FOXP1: variants seen among roughly 807,000 people sequenced by gnomAD.
The protein encoded by FOXP1 is forkhead box protein P1.
In FOXP1, 15 loss-of-function variants were observed where a neutral mutation model predicts 98.2. The ratio of observed to expected loss-of-function variants is 0.15; its 90% CI spans 0.10 to 0.24. The LOEUF (loss-of-function observed/expected upper bound fraction) is 0.24. Among genes scored for constraint, FOXP1 ranks in the 10% least tolerant of loss-of-function variants. The probability of loss-of-function intolerance (pLI) is 1.00; values close to 1 mark genes in which losing one functional copy is unlikely to be tolerated. For synonymous variants in FOXP1, 371 were observed against 314.5 expected (o/e 1.18, Z -1.90); for missense variants, 633 against 848.5 (o/e 0.75, Z 3.15).
At chr3:71,504,787 C>T (rs770045617) in intron 2 of FOXP1, among the ~76,000 whole-genome samples, 2 of 152,148 alleles carry the variant, frequency 1.3e-5, no homozygotes, top group Non-Finnish European at 2.9e-5. Flanking sequence ...GAAAGGAACA[C>T]GCTGGTCCTT....
At chr3:71,153,268 C>T (rs2108079522) in intron 6 of FOXP1, among the ~76,000 whole-genome samples, 1 of 152,254 alleles carries the variant, frequency 6.6e-6, no homozygotes, top group South Asian at 2.1e-4. Context: ...AGCAGGAATA[C>T]CCCAGTGAGA....
At chr3:71,267,190 T>C (rs2069776070) in intron 5 of FOXP1, among the ~76,000 whole-genome samples, 1 of 151,678 alleles carries the variant, frequency 6.6e-6, no homozygotes, top group Non-Finnish European at 1.5e-5. Context: ...ACATTGAGAA[T>C]ATACCATAAA....
At chr3:71,074,137 A>G (rs952993760) in intron 7 of FOXP1, among the ~76,000 whole-genome samples, 1 of 152,252 alleles carries the variant, frequency 6.6e-6, no homozygotes, top group Admixed American at 6.5e-5. Flanking sequence ...CATTTCCTAT[A>G]GAAGTGCTTA....
chr3:71,455,045 A>C (rs1436660888), intron 3 of FOXP1, among the ~76,000 whole-genome samples: 2 of 152,160 alleles, frequency 1.3e-5, no homozygotes, highest in African/African-American at 4.8e-5. Flanking sequence ...ATATGCCCTA[A>C]AGTGAATGAG....
intron 9 of FOXP1, among the ~76,000 whole-genome samples, chr3:71,051,984 T>A (rs989940288): frequency 1.7e-4 from 26 of 152,204 alleles, no homozygotes; most frequent in African/African-American, 6.3e-4. Flanking sequence ...TTCTCTAACT[T>A]CAACTCATGC....
intron 4 of FOXP1, among the ~76,000 whole-genome samples, chr3:71,306,475 C>T (rs986681371): frequency 5.9e-5 from 9 of 151,972 alleles, no homozygotes; most frequent in African/African-American, 1.7e-4. Context: ...TGCTTTGTCA[C>T]ATTGTAAGTT....
At chr3:71,264,776 C>T (rs983234256) in intron 5 of FOXP1, among the ~76,000 whole-genome samples, 1 of 152,160 alleles carries the variant, frequency 6.6e-6, no homozygotes, top group Non-Finnish European at 1.5e-5. Flanking sequence ...GTATTGGGTA[C>T]TCCCATCAAT....
At chr3:71,085,242 A>C (rs1454596202) in intron 7 of FOXP1, among the ~76,000 whole-genome samples, 1 of 152,130 alleles carries the variant, frequency 6.6e-6, no homozygotes, top group African/African-American at 2.4e-5. Context: ...TCCCATGGTC[A>C]AGCAATCCTC....
At chr3:71,206,915 G>A (rs1227793243) in intron 5 of FOXP1, among the ~76,000 whole-genome samples, 2 of 152,132 alleles carry the variant, frequency 1.3e-5, no homozygotes, top group Non-Finnish European at 2.9e-5. Flanking sequence ...GAAAGAAGCC[G>A]CTCTAGGAAA....
intron 11 of FOXP1, among the ~76,000 whole-genome samples, chr3:71,040,017 T>A (rs1167122706): frequency 2.6e-5 from 4 of 152,122 alleles, no homozygotes; most frequent in Admixed American, 2.0e-4. Flanking sequence ...GTTGAAAATT[T>A]TAGTTAAAAC....
chr3:71,126,028 G>A (rs527281917), intron 6 of FOXP1, among the ~76,000 whole-genome samples: 1 of 152,264 alleles, frequency 6.6e-6, no homozygotes, highest in African/African-American at 2.4e-5. Flanking sequence ...CACTCAATAA[G>A]TAACAAGTGA....
chr3:71,497,325 C>T (rs570130873), intron 2 of FOXP1, among the ~76,000 whole-genome samples: 4 of 152,150 alleles, frequency 2.6e-5, no homozygotes, highest in African/African-American at 9.6e-5. Context: ...TTACTTCAGA[C>T]CAAAAAGAAA....
rs576022860 is a variant in FOXP1 at position 71,261,633 on chromosome 3, G to A, written c.-12+38187C>T. On this transcript the variant is annotated intron_variant, in intron 5 of 20. Transcript: ENST00000649528. The stretch of plus-strand genomic sequence containing the variant: ...AGGTTAGCAAGCTCTGTAGACTAAA[G>A]CTGTGTTACTGAGAAATAATCTCGA... Among the ~76,000 whole-genome samples, 88 of 152,118 alleles carry A rather than the reference G, an allele frequency of 5.8e-4. No homozygotes were observed. The South Asian group carries it at 0.015, about 27-fold the overall frequency.
At chr3:71,512,003 T>G (rs996355792) in intron 2 of FOXP1, among the ~76,000 whole-genome samples, 1 of 152,196 alleles carries the variant, frequency 6.6e-6, no homozygotes, top group Non-Finnish European at 1.5e-5. Context: ...TTAGTCAACA[T>G]TTACTTTGTG....
At chr3:71,570,245 AAC>A (rs2047231715) in intron 2 of FOXP1, 1 of 151,846 alleles carries the variant, frequency 6.6e-6, no homozygotes, top group African/African-American at 2.4e-5. Flanking sequence ...TGGGTAAAGA[AAC>A]ACTTTGTTTC....
intron 6 of FOXP1, among the ~76,000 whole-genome samples, chr3:71,193,695 C>G (rs1408598858): frequency 2.0e-5 from 3 of 152,088 alleles, no homozygotes; most frequent in African/African-American, 7.2e-5. Flanking sequence ...GTGATCAGCC[C>G]GCCTCGGCCT....
chr3:70,980,190 G>A (rs888247186), intron 14 of FOXP1, among the ~76,000 whole-genome samples: 1 of 152,094 alleles, frequency 6.6e-6, no homozygotes, highest in African/African-American at 2.4e-5. Context: ...AAGCCAAGGG[G>A]GGAAGAGTTG....
At chr3:71,541,913 G>A (rs772556782) in intron 2 of FOXP1, 10 of 501,626 alleles carry the variant, frequency 2.0e-5, no homozygotes, top group Non-Finnish European at 3.2e-5. Flanking sequence ...GTCAACACTC[G>A]AGGTTTGACT....
intron 3 of FOXP1, among the ~76,000 whole-genome samples, chr3:71,385,469 C>G (rs915783064): frequency 6.6e-6 from 1 of 152,164 alleles, no homozygotes; most frequent in East Asian, 1.9e-4. Flanking sequence ...GGAGCAGAAC[C>G]TGCCCCAATC....
Sources: allele counts gnomAD v4.1 joint callset (sites outside exome capture counted in the v4.1 genomes callset), GRCh38; gene constraint gnomAD v4.1.1; transcripts MANE v1.5; gene names NCBI Gene and HGNC (gene_info 2026-07-23, HGNC 2026-07-21).